The following ZNF398 variants were observed in gnomAD, a reference collection of about 807,000 sequenced individuals.
ZNF398 encodes the protein zinc finger protein 398.
In ZNF398, 18 loss-of-function variants were observed where a neutral mutation model predicts 41.9. The observed-to-expected ratio is 0.43, with a 90% CI of 0.30 to 0.64. ZNF398 has a LOEUF of 0.64. Among genes scored for constraint, ZNF398 ranks in the 30% least tolerant of loss-of-function variants. The pLI is 0.14. For missense variants in ZNF398, 669 were observed against 822.8 expected, an observed-to-expected ratio of 0.81 and a Z score of 2.29; for synonymous variants, 260 against 308.8, an observed-to-expected ratio of 0.84 and a Z score of 1.66.
At chr7:149,152,597 G>C (rs1237872664) in intron 1 of ZNF398, among the ~76,000 whole-genome samples, 1 of 139,442 alleles carries the variant, frequency 7.2e-6, no homozygotes, top group South Asian at 2.3e-4. Flanking sequence ...ACGGAGTTTT[G>C]CTCTTATTGC....
chr7:149,140,112 T>G lies in ZNF398; in HGVS notation c.-490+11168T>G, dbSNP rs183265022. On this transcript the variant is annotated intron_variant, in intron 2 of 6. Coordinates refer to the ZNF398 transcript ENST00000426851. ...GTTGAAGTATATATGAATATATATT[T>G]AATACTGCAAAAGTAAAATGCTATA... Among the ~76,000 whole-genome samples, 16 of 152,338 alleles carry G rather than the reference T, an allele frequency of 1.1e-4. No homozygotes were observed. The East Asian group carries it at 3.1e-3, about 29-fold the overall frequency.
intron 2 of ZNF398, among the ~76,000 whole-genome samples, chr7:149,155,730 A>ATTTTTTTTTT (rs148643688): frequency 4.3e-5 from 4 of 92,392 alleles, no homozygotes; most frequent in African/African-American, 1.3e-4. Flanking sequence ...TTTTTTTTTT[A>ATTTTTTTTTT]ATTTTTTTTT....
Position 149,179,380 on chromosome 7 carries a change from T to G in ZNF398, c.1508T>G (p.Met503Arg). The change falls in exon 6 of 6, where the codon ATG becomes AGG. Residue 503 changes from methionine to arginine, a missense_variant. By Grantham distance (91) the Met-to-Arg change is moderately conservative (BLOSUM62 -1). Coordinates refer to ENST00000475153, the MANE Select transcript of ZNF398 (RefSeq NM_170686.3). This position sits in a 1 kb window ranked among gnomAD's most constrained non-coding sequence, Gnocchi z 6.1. Reference protein sequence around the residue: ...NGHSALIRHQMIHTGERPYPC... With the variant: ...NGHSALIRHQRIHTGERPYPC... ...CACTCGGCCCTGATCCGCCACCAGATGATCCACACAGGCGAGCGTCCTTAC... is the reference window on the plus strand; with the variant it reads ...CACTCGGCCCTGATCCGCCACCAGAGGATCCACACAGGCGAGCGTCCTTAC... 1 of 1,611,116 alleles carries G rather than the reference T, an allele frequency of 6.2e-7. No individual in the cohort carries two copies. Among genetic ancestry groups the G allele is most frequent in the Non-Finnish European group, 8.5e-7 (1 of 1,179,078 alleles).
chr7:149,132,742 C>G (rs944712543), intron 2 of ZNF398, among the ~76,000 whole-genome samples: 8 of 152,034 alleles, frequency 5.3e-5, no homozygotes, highest in South Asian at 2.1e-4. Flanking sequence ...CCCTACTGCA[C>G]AAGTGGTTGG....
chr7:149,169,432 C>T (rs111693944), intron 4 of ZNF398, among the ~76,000 whole-genome samples: 95 of 152,136 alleles, frequency 6.2e-4, no homozygotes, highest in African/African-American at 2.1e-3. Context: ...CAATTTCTTT[C>T]GTTTGTTTGT....
Position 149,180,732 on chromosome 7 carries a change from T to C in ZNF398, c.*931T>C, listed in dbSNP as rs1563168823. The C allele has an allele frequency of 6.6e-6, 1 of 152,244 alleles. No homozygotes were observed. Among genetic ancestry groups the C allele is most frequent in the African/African-American group, 2.4e-5 (1 of 41,468 alleles). The allele number at this position is 152,244 out of a possible 1,614,324, so 9.4% of individuals were successfully genotyped here. A position where few individuals can be genotyped will look rare whatever the true frequency, so the allele number is the denominator to read the frequency against. ...GCCAGTAAGTTGGCTTCTCCATTCC[T>C]GGTGTCTGATATTCTTGACAATCAT... On this transcript the variant is annotated 3_prime_UTR_variant, in exon 6 of 6. Coordinates refer to ENST00000475153, the MANE Select transcript of ZNF398 (RefSeq NM_170686.3).
chr7:149,176,655 G>A, intron 5 of ZNF398, 74 bp downstream of exon 5: 4 of 939,540 alleles, frequency 4.3e-6, no homozygotes, highest in Admixed American at 2.6e-5. Context: ...AACAGCAGGT[G>A]AAATTTGTAG....
At chr7:149,176,782 C>G (rs1224259164) in intron 5 of ZNF398, among the ~76,000 whole-genome samples, 1 of 152,050 alleles carries the variant, frequency 6.6e-6, no homozygotes, top group Non-Finnish European at 1.5e-5. Flanking sequence ...CTCTTACATG[C>G]AAAGACAAAT....
At chr7:149,165,825 A>G (rs957737085) in intron 2 of ZNF398, among the ~76,000 whole-genome samples, 3 of 152,230 alleles carry the variant, frequency 2.0e-5, no homozygotes, top group African/African-American at 7.2e-5. Flanking sequence ...AAGGCATTTT[A>G]AAAGAGGTGA....
At chr7:149,171,645 G>A (rs776649001) in intron 4 of ZNF398, among the ~76,000 whole-genome samples, 6 of 151,568 alleles carry the variant, frequency 4.0e-5, no homozygotes, top group African/African-American at 7.3e-5. Flanking sequence ...CACCTGCCTC[G>A]GCCTCCCAAA....
At chr7:149,152,860 CTTTTT>C (rs752636514) in intron 1 of ZNF398, among the ~76,000 whole-genome samples, 1 of 138,016 alleles carries the variant, frequency 7.2e-6, no homozygotes, top group Non-Finnish European at 1.6e-5. Flanking sequence ...TGCCCAGCCT[CTTTTT>C]TTTTTTTTTT....
In ZNF398 at chr7:149,147,828, C is replaced by T; in HGVS notation, c.24+62C>T. 7.6e-7 allele frequency: 1 copy of T among 1,323,278 alleles called. No homozygotes were observed. The highest frequency in any genetic ancestry group is 9.7e-7 in the Non-Finnish European group (1 of 1,032,984). The allele number at this position is 1,323,278 out of a possible 1,614,324, so 82.0% of individuals were successfully genotyped here. A position where few individuals can be genotyped will look rare whatever the true frequency, so the allele number is the denominator to read the frequency against. On this transcript the variant is annotated intron_variant, in intron 1 of 5. Transcript: ENST00000475153. This position sits in a 1 kb window ranked among gnomAD's most constrained non-coding sequence, Gnocchi z 5.6. ...AGACCCAGACCCCGAGGGAGGAAGG[C>T]GGGCGGGCAGGGAGCTGCCAGGCAT...
chr7:149,127,155 A>G (rs1486218574), intron 1 of ZNF398, among the ~76,000 whole-genome samples: 1 of 152,146 alleles, frequency 6.6e-6, no homozygotes, highest in African/African-American at 2.4e-5. Context: ...GAAACCAGGG[A>G]GAGACAGAAA....
At chr7:149,173,091 C>CTTTTTTTT (rs1795382614) in intron 4 of ZNF398, among the ~76,000 whole-genome samples, 2 of 67,184 alleles carry the variant, frequency 3.0e-5, no homozygotes, top group African/African-American at 1.1e-4. Context: ...GTGGCAATTT[C>CTTTTTTTT]TATTTTTTTT....
At chr7:149,173,091 C>CTTTTTTTTTTTTTT (rs1795382614) in intron 4 of ZNF398, among the ~76,000 whole-genome samples, 3 of 67,184 alleles carry the variant, frequency 4.5e-5, no homozygotes, top group African/African-American at 1.6e-4. Flanking sequence ...GTGGCAATTT[C>CTTTTTTTTTTTTTT]TATTTTTTTT....
chr7:149,157,443 G>A (rs1795005056), intron 2 of ZNF398, among the ~76,000 whole-genome samples: 1 of 151,890 alleles, frequency 6.6e-6, no homozygotes, highest in Non-Finnish European at 1.5e-5. Flanking sequence ...GCTGAGGCAG[G>A]AGAATGGCAT....
intron 2 of ZNF398, among the ~76,000 whole-genome samples, chr7:149,155,730 A>ATTTATTTTT: frequency 1.1e-5 from 1 of 92,392 alleles, no homozygotes; most frequent in Non-Finnish European, 2.0e-5. Flanking sequence ...TTTTTTTTTT[A>ATTTATTTTT]ATTTTTTTTT....
At chr7:149,133,538 G>T (rs1826638334) in intron 2 of ZNF398, among the ~76,000 whole-genome samples, 1 of 151,214 alleles carries the variant, frequency 6.6e-6, no homozygotes, top group Non-Finnish European at 1.5e-5. Context: ...TCAAGATGAA[G>T]TTGCTACAGT....
At chr7:149,178,225 G>C (rs1031133373) in intron 5 of ZNF398, among the ~76,000 whole-genome samples, 27 of 151,992 alleles carry the variant, frequency 1.8e-4, no homozygotes, top group African/African-American at 6.5e-4. Flanking sequence ...CCGGGAGGCG[G>C]AGCTTGCATT....
Sources: allele counts gnomAD v4.1 joint callset (sites outside exome capture counted in the v4.1 genomes callset), GRCh38; gene constraint gnomAD v4.1.1; non-coding constraint Gnocchi (gnomAD v3.1); transcripts MANE v1.5; gene names NCBI Gene and HGNC (gene_info 2026-07-23, HGNC 2026-07-21).